SATB1: variants seen among roughly 807,000 people sequenced by gnomAD.
The protein encoded by SATB1 is DNA-binding protein SATB1.
In SATB1, 11 loss-of-function variants were observed where a neutral mutation model predicts 86.9. That is an observed-to-expected ratio of 0.13 (90% CI 0.08 to 0.21). SATB1 has a LOEUF of 0.21. SATB1 is among the 10% of genes least tolerant of loss of function. The pLI is 1.00. For synonymous variants in SATB1, 357 were observed against 357.2 expected (o/e 1.00, Z 0.01); for missense variants, 551 against 937.6 (o/e 0.59, Z 5.39).
chr3:18,429,553 C>T (rs931432478), upstream of SATB1, among the ~76,000 whole-genome samples: 2 of 152,202 alleles, frequency 1.3e-5, no homozygotes, highest in African/African-American at 4.8e-5. The surrounding 1 kb of genome is among the most constrained non-coding windows in gnomAD (Gnocchi z 4.1). Context: ...GAGGTCATGG[C>T]ATGGCACATG....
chr3:18,394,412 GA>G lies in SATB1; in HGVS notation c.1206+49del. ...AACTTTAGTTATAGATGGGACTAAA[GA>G]AAGAGAAAATAGGAGACAGCACAGA... is the stretch of plus-strand genomic sequence containing the variant. On this transcript the variant is annotated intron_variant, in intron 7 of 10. Transcript: ENST00000338745. The surrounding 1 kb of genome is among the most constrained non-coding windows in gnomAD (Gnocchi z 5.9). 6.7e-7 allele frequency: 1 copy of G among 1,499,326 alleles called. No individual in the cohort carries two copies. Among genetic ancestry groups the G allele is most frequent in the South Asian group, 1.1e-5 (1 of 88,018 alleles). The allele number at this position is 1,499,326 out of a possible 1,614,324, so 92.9% of individuals were successfully genotyped here.
intron 3 of SATB1, 94 bp downstream of exon 3, chr3:18,416,808 T>C: frequency 7.9e-7 from 1 of 1,268,588 alleles, no homozygotes; most frequent in East Asian, 2.4e-5. Flanking sequence ...ATACACAGGC[T>C]ACAGTTCTTT....
At chr3:18,435,546 C>T (rs562799807) in intron 2 of SATB1, among the ~76,000 whole-genome samples, 14 of 152,094 alleles carry the variant, frequency 9.2e-5, no homozygotes, top group Non-Finnish European at 1.8e-4. Flanking sequence ...CCCAAAGAAC[C>T]CACCAGGTGA....
chr3:18,361,618 CTG>C (rs898652518), intron 9 of SATB1, among the ~76,000 whole-genome samples: 3 of 152,132 alleles, frequency 2.0e-5, no homozygotes, highest in African/African-American at 7.2e-5. Flanking sequence ...CTGAAGGACA[CTG>C]TGAATTGCAG....
At chr3:18,363,680 T>C (rs1053474556) in intron 9 of SATB1, among the ~76,000 whole-genome samples, 4 of 152,150 alleles carry the variant, frequency 2.6e-5, no homozygotes, top group African/African-American at 9.7e-5. Context: ...TATTGGGAGC[T>C]GATTAAAATT....
At chr3:18,368,780 TA>T (rs1317673362) in intron 9 of SATB1, among the ~76,000 whole-genome samples, 3 of 152,344 alleles carry the variant, frequency 2.0e-5, no homozygotes, top group African/African-American at 7.2e-5. Context: ...ATCTATGTTT[TA>T]AATGGTCTCT....
At position 18,386,429 on chromosome 3, in the gene SATB1, G is replaced by T. The variant is rs775291259; in HGVS notation, c.1389C>A (p.Leu463=). 1.2e-6 allele frequency: 2 copies of T among 1,613,984 alleles called. No homozygotes were observed. Among genetic ancestry groups the T allele is most frequent in the Admixed American group, 3.3e-5 (2 of 60,018 alleles). ...GAGGACGGCTGGGTGGTGTGCTGAT[G>T]AGGGGGGCAGGACCCATGGCCGAGG... ...NAASAMGPAP[L]ISTPPSRPPQ... Residue 463 remains leucine, a synonymous_variant, in exon 8 of 11, where the codon CTC becomes CTA. Coordinates refer to ENST00000338745, the MANE Select transcript of SATB1 (RefSeq NM_002971.6). The surrounding 1 kb of genome is among the most constrained non-coding windows in gnomAD (Gnocchi z 4.5).
intron 8 of SATB1, among the ~76,000 whole-genome samples, chr3:18,381,579 GTTA>G (rs1281439735): frequency 6.6e-6 from 1 of 152,056 alleles, no homozygotes; most frequent in Non-Finnish European, 1.5e-5. Flanking sequence ...GAAACCCAAA[GTTA>G]TTTAGAGTTC....
intron 8 of SATB1, among the ~76,000 whole-genome samples, chr3:18,384,357 C>A (rs1187089813): frequency 6.6e-6 from 1 of 151,944 alleles, no homozygotes; most frequent in East Asian, 1.9e-4. Context: ...TGAGTAAGGA[C>A]ACCCAAATCA....
intron 7 of SATB1, among the ~76,000 whole-genome samples, chr3:18,393,584 G>C (rs1166917905): frequency 6.6e-6 from 1 of 152,126 alleles, no homozygotes; most frequent in African/African-American, 2.4e-5. Context: ...AATTGGGCCA[G>C]GAAGACAAAG....
rs1186973200 is a variant in SATB1, at chr3:18,346,934, C to T, written c.*2236G>A. Reference sequence around the variant, plus strand: ...TCCTTTGGCTCAAATTATTACTTTTCTGAACTCTAGTGAGCCAGAATGTTT... The same window carrying T: ...TCCTTTGGCTCAAATTATTACTTTTTTGAACTCTAGTGAGCCAGAATGTTT... On this transcript the variant is annotated 3_prime_UTR_variant, in exon 11 of 11. Transcript: ENST00000338745. 1 of 152,044 alleles carries T rather than the reference C, an allele frequency of 6.6e-6. No homozygotes were observed. The highest frequency in any genetic ancestry group is 1.5e-5 in the Non-Finnish European group (1 of 67,974). 9.4% of individuals were successfully genotyped at this position (152,044 alleles called of 1,614,324 possible).
At chr3:18,377,508 C>T (rs926441655) in intron 9 of SATB1, among the ~76,000 whole-genome samples, 6 of 152,144 alleles carry the variant, frequency 3.9e-5, no homozygotes, top group African/African-American at 1.4e-4. Flanking sequence ...TACGACCTAT[C>T]CTTTTTTATT....
intron 9 of SATB1, among the ~76,000 whole-genome samples, chr3:18,369,784 G>A (rs987161253): frequency 2.6e-5 from 4 of 152,274 alleles, no homozygotes; most frequent in East Asian, 1.9e-4. Context: ...AGCCACACTC[G>A]CACTACATCT....
At chr3:18,373,901 C>T (rs1178053234) in intron 9 of SATB1, among the ~76,000 whole-genome samples, 1 of 152,114 alleles carries the variant, frequency 6.6e-6, no homozygotes, top group African/African-American at 2.4e-5. Flanking sequence ...CCAGAAAGTA[C>T]TACAACTCAG....
intron 8 of SATB1, among the ~76,000 whole-genome samples, chr3:18,382,358 TCAAA>T (rs1696110123): frequency 6.6e-6 from 1 of 152,172 alleles, no homozygotes; most frequent in Non-Finnish European, 1.5e-5. Context: ...TTATATGCTT[TCAAA>T]CAGTCTTCAT....
chr3:18,365,035 C>T (rs538580424), intron 9 of SATB1, among the ~76,000 whole-genome samples: 1 of 152,098 alleles, frequency 6.6e-6, no homozygotes, highest in East Asian at 1.9e-4. Flanking sequence ...CCATTCAATC[C>T]TCAGGTCAAT....
chr3:18,398,729 T>C (rs1474887927), intron 5 of SATB1, among the ~76,000 whole-genome samples: 1 of 152,182 alleles, frequency 6.6e-6, no homozygotes, highest in Non-Finnish European at 1.5e-5. Context: ...GTGATATCTT[T>C]TTTTTTGACA....
intron 2 of SATB1, among the ~76,000 whole-genome samples, chr3:18,433,191 A>C (rs1311652134): frequency 6.6e-6 from 1 of 152,208 alleles, no homozygotes; most frequent in Non-Finnish European, 1.5e-5. Context: ...TAAGTCCAAA[A>C]AATTCTTTTG....
intron 9 of SATB1, among the ~76,000 whole-genome samples, chr3:18,365,093 G>T (rs1695117316): frequency 1.3e-5 from 2 of 152,156 alleles, no homozygotes; most frequent in African/African-American, 4.8e-5. Context: ...AGTTCTGAAT[G>T]AGATTTCATT....
Sources: gnomAD v4.1 joint callset for allele counts (sites outside exome capture counted in the v4.1 genomes callset) on GRCh38, gnomAD v4.1.1 for gene constraint, Gnocchi (gnomAD v3.1) non-coding constraint, MANE v1.5 for transcripts, NCBI Gene and HGNC (gene_info 2026-07-23, HGNC 2026-07-21) for gene names.